The following SPAG16 variants were observed in gnomAD, a reference collection of about 807,000 sequenced individuals.
SPAG16 encodes the protein sperm associated antigen 16, also known as sperm-associated antigen 16 protein.
Under a neutral mutation model 80.4 loss-of-function variants are expected in SPAG16, and 86 were observed. The observed-to-expected ratio is 1.07, with a 90% CI of 0.90 to 1.28. The LOEUF (loss-of-function observed/expected upper bound fraction) is 1.28, where lower values mean the gene tolerates loss of function less well. SPAG16 is among the 50% of genes most tolerant of loss of function. The pLI, the probability that SPAG16 is intolerant of heterozygous loss-of-function variation, is 0.00. For missense variants in SPAG16, 870 were observed against 765.3 expected (o/e 1.14, Z -1.61); for synonymous variants, 294 against 265.9 (o/e 1.11, Z -1.03).
intron 9 of SPAG16, among the ~76,000 whole-genome samples, chr2:213,401,376 T>C (rs1326326344): frequency 6.6e-6 from 1 of 152,236 alleles, no homozygotes; most frequent in Non-Finnish European, 1.5e-5. Flanking sequence ...TTTATTTCCG[T>C]TGTTTTGCTG....
chr2:214,220,964 T>C (rs1359999914), intron 15 of SPAG16, among the ~76,000 whole-genome samples: 2 of 152,168 alleles, frequency 1.3e-5, no homozygotes, highest in Non-Finnish European at 2.9e-5. Flanking sequence ...TCAGGACTTT[T>C]GTAGTTTCTT....
intron 10 of SPAG16, among the ~76,000 whole-genome samples, chr2:213,658,843 C>T (rs1375574563): frequency 6.6e-6 from 1 of 152,180 alleles, no homozygotes; most frequent in Admixed American, 6.5e-5. Context: ...TGAGACCATC[C>T]TGGCCAACAT....
At chr2:213,926,700 A>C (rs1387302046) in intron 11 of SPAG16, among the ~76,000 whole-genome samples, 1 of 151,936 alleles carries the variant, frequency 6.6e-6, no homozygotes, top group South Asian at 2.1e-4. Context: ...ATTTCCTTAT[A>C]TACTTTACTT....
intron 10 of SPAG16, among the ~76,000 whole-genome samples, chr2:213,781,453 C>T (rs2069961869): frequency 6.6e-6 from 1 of 152,106 alleles, no homozygotes; most frequent in African/African-American, 2.4e-5. Flanking sequence ...CTTCTTAATG[C>T]TTTCATGTGT....
At chr2:214,163,277 C>A (rs1354957191) in intron 15 of SPAG16, among the ~76,000 whole-genome samples, 1 of 151,908 alleles carries the variant, frequency 6.6e-6, no homozygotes, top group East Asian at 1.9e-4. Context: ...AGTTGGCAAA[C>A]CTTTTTATGT....
chr2:213,475,480 G>C (rs1018974562), intron 9 of SPAG16, among the ~76,000 whole-genome samples: 11 of 152,190 alleles, frequency 7.2e-5, no homozygotes, highest in African/African-American at 2.7e-4. Context: ...CACCTGAAAA[G>C]AGAGAGGGGA....
At chr2:214,183,789 G>A (rs1419070504) in intron 15 of SPAG16, among the ~76,000 whole-genome samples, 1 of 151,972 alleles carries the variant, frequency 6.6e-6, no homozygotes, top group Non-Finnish European at 1.5e-5. Context: ...TTCCTCAAAT[G>A]TGCTTTTATG....
At position 214,084,637 on chromosome 2, in the gene SPAG16, A is replaced by G. The variant is rs530336305; in HGVS notation, c.1528-23559A>G. On this transcript the variant is annotated intron_variant, in intron 13 of 15. Coordinates refer to ENST00000331683, the MANE Select transcript of SPAG16 (RefSeq NM_024532.5). ...GTTGTTGTCACTGCCCCAACTTTATATGTACATTTACAATTACTGACCTAG... is the reference window on the plus strand; with the variant it reads ...GTTGTTGTCACTGCCCCAACTTTATGTGTACATTTACAATTACTGACCTAG... Among the ~76,000 whole-genome samples, 14 of 152,238 alleles carry G rather than the reference A, an allele frequency of 9.2e-5. No homozygotes were observed. In the East Asian group the frequency reaches 2.3e-3, roughly 25 times the overall value.
chr2:213,377,864 T>C (rs1323999885), intron 9 of SPAG16, among the ~76,000 whole-genome samples: 1 of 149,480 alleles, frequency 6.7e-6, no homozygotes, highest in Admixed American at 6.8e-5. Context: ...TCCAGAGGGA[T>C]AGAACTAATA....
rs534879388 is a variant in SPAG16 at position 214,172,950 on chromosome 2, T to C, written c.1720+23684T>C. On this transcript the variant is annotated intron_variant, in intron 15 of 15. Coordinates refer to ENST00000331683, the MANE Select transcript of SPAG16 (RefSeq NM_024532.5). ...CTTGCCCACTGTTGGATGGGGTTGT[T>C]TTTTTCTTGTAAATTTGTTTGAGTT... Among the ~76,000 whole-genome samples, 20 of 152,210 alleles carry C rather than the reference T, an allele frequency of 1.3e-4. 1 individual carries two copies. The South Asian group carries it at 2.7e-3, about 21-fold the overall frequency.
At chr2:214,265,305 T>C (rs1691478359) in intron 15 of SPAG16, among the ~76,000 whole-genome samples, 1 of 152,116 alleles carries the variant, frequency 6.6e-6, no homozygotes, top group African/African-American at 2.4e-5. Context: ...TTCTAATCAG[T>C]GTACAGTAGT....
chr2:213,863,681 A>G (rs1432511459), intron 11 of SPAG16, among the ~76,000 whole-genome samples: 2 of 152,028 alleles, frequency 1.3e-5, no homozygotes, highest in Non-Finnish European at 2.9e-5. Flanking sequence ...GCAAGCAGAG[A>G]CAATACAATT....
At chr2:213,941,348 A>G (rs1209244086) in intron 12 of SPAG16, among the ~76,000 whole-genome samples, 1 of 152,132 alleles carries the variant, frequency 6.6e-6, no homozygotes, top group African/African-American at 2.4e-5. Context: ...GAGATTTATA[A>G]CTTGTAATGA....
chr2:214,273,721 A>C (rs1217679549), intron 15 of SPAG16, among the ~76,000 whole-genome samples: 1 of 127,676 alleles, frequency 7.8e-6, no homozygotes, highest in African/African-American at 2.8e-5. Context: ...GTTTGAAGTC[A>C]GGTAGTGTGA....
chr2:213,313,571 C>A (rs150262985), intron 4 of SPAG16, among the ~76,000 whole-genome samples: 1 of 151,690 alleles, frequency 6.6e-6, no homozygotes, highest in South Asian at 2.1e-4. Flanking sequence ...ACATACTGAT[C>A]TTAAAGACCA....
At chr2:213,795,312 C>T (rs2125621111) in intron 10 of SPAG16, among the ~76,000 whole-genome samples, 1 of 152,252 alleles carries the variant, frequency 6.6e-6, no homozygotes, top group Middle Eastern at 3.4e-3. Flanking sequence ...GCTATTTACA[C>T]AGTACTCAGT....
intron 10 of SPAG16, among the ~76,000 whole-genome samples, chr2:213,689,528 CTTTTTTTTTT>C (rs397873153): frequency 9.2e-5 from 5 of 54,240 alleles, no homozygotes; most frequent in South Asian, 9.5e-4. Context: ...AGTGCTGGGG[CTTTTTTTTTT>C]TTTTTTTTTT....
intron 15 of SPAG16, among the ~76,000 whole-genome samples, chr2:214,172,406 C>A (rs2056903964): frequency 1.3e-5 from 2 of 152,194 alleles, no homozygotes; most frequent in South Asian, 2.1e-4. Flanking sequence ...TCATCCATGT[C>A]CCTACAAAGG....
rs1018005068 is a variant in SPAG16, at chr2:213,357,304, A to G, written c.762+6659A>G. Among the ~76,000 whole-genome samples, 7 of 152,190 alleles carry G rather than the reference A, an allele frequency of 4.6e-5. No homozygotes were observed. In the East Asian group the frequency reaches 1.2e-3, roughly 25 times the overall value. ...GTGAAGAGCTGAGTTGAAGTCCTGG[A>G]TATCCTTGTTAACCTTCTGTCTCGT... On this transcript the variant is annotated intron_variant, in intron 7 of 15. Coordinates refer to ENST00000331683, the MANE Select transcript of SPAG16 (RefSeq NM_024532.5).
Sources: gnomAD v4.1 joint callset for allele counts (sites outside exome capture counted in the v4.1 genomes callset) on GRCh38, gnomAD v4.1.1 for gene constraint, MANE v1.5 for transcripts, NCBI Gene and HGNC (gene_info 2026-07-23, HGNC 2026-07-21) for gene names.